GALNT13: variants seen among roughly 807,000 people sequenced by gnomAD.
GALNT13 encodes polypeptide N-acetylgalactosaminyltransferase 13, also known as UDP-GalNAc:polypeptide N-acetylgalactosaminyltransferase 13.
In GALNT13, 28 loss-of-function variants were observed where a neutral mutation model predicts 64.2. That is an observed-to-expected ratio of 0.44 (90% CI 0.32 to 0.60). GALNT13 has a LOEUF of 0.60. GALNT13 is among the 20% of genes least tolerant of loss of function. The pLI, the probability that GALNT13 is intolerant of heterozygous loss-of-function variation, is 0.05. For missense variants in GALNT13, 577 were observed against 669.8 expected, an observed-to-expected ratio of 0.86 and a Z score of 1.53; for synonymous variants, 214 against 224.6, an observed-to-expected ratio of 0.95 and a Z score of 0.42.
rs981020892 is a variant in GALNT13, at chr2:154,330,429, G to A, written c.1156+28840G>A. 3.3e-5 allele frequency among the ~76,000 whole-genome samples: 5 copies of A among 152,132 alleles called. No homozygotes were observed. In the East Asian group the frequency reaches 7.7e-4, roughly 23 times the overall value. On this transcript the variant is annotated intron_variant, in intron 9 of 12. Coordinates refer to ENST00000392825, the MANE Select transcript of GALNT13 (RefSeq NM_052917.4). ...ATGAAACAAATATAAGTGTTCTCATGTTCCTTTACCTGTTGGCCAAAGCTA... is the reference window on the plus strand; with the variant it reads ...ATGAAACAAATATAAGTGTTCTCATATTCCTTTACCTGTTGGCCAAAGCTA...
the GALNT13 span, among the ~76,000 whole-genome samples, chr2:153,688,888 T>C: frequency 6.6e-6 from 1 of 151,984 alleles, no homozygotes; most frequent in South Asian, 2.1e-4. Context: ...TTATCAATAT[T>C]ATTGTTGTTA....
chr2:153,918,968 A>G (rs933039893), intron 2 of GALNT13, among the ~76,000 whole-genome samples: 3 of 152,132 alleles, frequency 2.0e-5, no homozygotes, highest in Non-Finnish European at 2.9e-5. Flanking sequence ...AGCTGCTTCA[A>G]GCTCACCAAA....
At chr2:153,239,587 T>A in the GALNT13 span, among the ~76,000 whole-genome samples, 2 of 152,188 alleles carry the variant, frequency 1.3e-5, no homozygotes, top group African/African-American at 4.8e-5. Context: ...GTTGAAATAA[T>A]CTTGTGGTTT....
intron 3 of GALNT13, among the ~76,000 whole-genome samples, chr2:154,110,987 C>G (rs1483446594): frequency 6.6e-6 from 1 of 152,060 alleles, no homozygotes; most frequent in Admixed American, 6.6e-5. Flanking sequence ...GTCAATAAAT[C>G]TTATGTCACA....
At chr2:154,427,649 C>T (rs955867783) in intron 11 of GALNT13, among the ~76,000 whole-genome samples, 1 of 152,116 alleles carries the variant, frequency 6.6e-6, no homozygotes, top group Admixed American at 6.6e-5. Flanking sequence ...ATACCCACAT[C>T]CTGTTTTTAG....
chr2:154,139,764 A>C (rs1683156692), intron 3 of GALNT13, among the ~76,000 whole-genome samples: 1 of 152,058 alleles, frequency 6.6e-6, no homozygotes, highest in African/African-American at 2.4e-5. Flanking sequence ...CTTCACGAAT[A>C]TTCAAGCCCA....
intron 1 of GALNT13, among the ~76,000 whole-genome samples, chr2:153,878,797 G>A (rs897652921): frequency 2.0e-5 from 3 of 152,148 alleles, no homozygotes; most frequent in African/African-American, 7.2e-5. Context: ...TAGTGCTCTT[G>A]TAAAACTGGT....
At chr2:153,274,509 G>T in the GALNT13 span, among the ~76,000 whole-genome samples, 1 of 152,122 alleles carries the variant, frequency 6.6e-6, no homozygotes, top group Non-Finnish European at 1.5e-5. Flanking sequence ...AATAAAAGAG[G>T]AATATGGCTG....
chr2:153,499,649 C>T, the GALNT13 span, among the ~76,000 whole-genome samples: 10 of 152,200 alleles, frequency 6.6e-5, no homozygotes, highest in Admixed American at 1.3e-4. Context: ...CTGTGCTCAT[C>T]GCACCCAAAT....
the GALNT13 span, among the ~76,000 whole-genome samples, chr2:153,841,436 G>A: frequency 1.2e-4 from 18 of 152,102 alleles, no homozygotes; most frequent in African/African-American, 3.9e-4. Context: ...AGCACTTTGG[G>A]TAAAGTTGAC....
At chr2:153,094,731 A>T in the GALNT13 span, among the ~76,000 whole-genome samples, 13 of 152,076 alleles carry the variant, frequency 8.5e-5, no homozygotes, top group African/African-American at 3.1e-4. Context: ...AGAAACAATA[A>T]CACACATCTA....
At chr2:153,322,327 T>G in the GALNT13 span, among the ~76,000 whole-genome samples, 1 of 152,138 alleles carries the variant, frequency 6.6e-6, no homozygotes, top group African/African-American at 2.4e-5. Context: ...TCCATGTTGC[T>G]GCAAAGGGCA....
At chr2:153,383,221 A>G in the GALNT13 span, among the ~76,000 whole-genome samples, 3 of 152,064 alleles carry the variant, frequency 2.0e-5, no homozygotes, top group Admixed American at 2.0e-4. Flanking sequence ...CACATATTAC[A>G]ATAAGATAGA....
the GALNT13 span, among the ~76,000 whole-genome samples, chr2:153,513,847 G>A: frequency 3.3e-5 from 5 of 152,074 alleles, no homozygotes; most frequent in Non-Finnish European, 7.4e-5. Flanking sequence ...CTCCAGCTGC[G>A]GTTTTCTGTG....
In GALNT13 at chr2:154,335,748, C is replaced by T. The variant is rs114656632; in HGVS notation, c.1156+34159C>T. 7.8e-3 allele frequency among the ~76,000 whole-genome samples: 1,187 copies of T among 151,940 alleles called. 13 individuals carry two copies. The highest frequency in any genetic ancestry group is 0.027 in the African/African-American group (1,127 of 41,488). ...TCCAAACCCTCATTACTAGGATTCT[C>T]GGTTATGTAAATCTGTTATAAACAG... On this transcript the variant is annotated intron_variant, in intron 9 of 12. Transcript: ENST00000392825.
At chr2:153,957,281 G>A (rs934865630) in intron 3 of GALNT13, among the ~76,000 whole-genome samples, 3 of 152,156 alleles carry the variant, frequency 2.0e-5, no homozygotes, top group South Asian at 2.1e-4. Flanking sequence ...GGCAGGGAAA[G>A]GGATCCAATA....
the GALNT13 span, among the ~76,000 whole-genome samples, chr2:153,118,298 C>T: frequency 6.6e-6 from 1 of 152,202 alleles, no homozygotes; most frequent in Non-Finnish European, 1.5e-5. Flanking sequence ...TCTTGCAATG[C>T]ACTGTGCTAG....
chr2:153,878,062 C>T (rs1686511450), intron 1 of GALNT13, among the ~76,000 whole-genome samples: 1 of 152,078 alleles, frequency 6.6e-6, no homozygotes, highest in Non-Finnish European at 1.5e-5. Context: ...GACATTTTCA[C>T]TGACTGATAA....
chr2:154,117,447 A>G (rs2105507396), intron 3 of GALNT13, among the ~76,000 whole-genome samples: 1 of 152,240 alleles, frequency 6.6e-6, no homozygotes, highest in Middle Eastern at 3.4e-3. Context: ...GCATCTCCAA[A>G]GTTCATTGTA....
Sources: allele counts gnomAD v4.1 joint callset (sites outside exome capture counted in the v4.1 genomes callset), GRCh38; gene constraint gnomAD v4.1.1; transcripts MANE v1.5; gene names NCBI Gene and HGNC (gene_info 2026-07-23, HGNC 2026-07-21).